RRAGB: variants seen among roughly 807,000 people sequenced by gnomAD.
The protein encoded by RRAGB is ras-related GTP-binding protein B.
A neutral mutation model predicts 29.3 loss-of-function variants in RRAGB; 6 were observed. That is an observed-to-expected ratio of 0.21 (90% CI 0.11 to 0.40). RRAGB has a LOEUF of 0.40. RRAGB is among the 10% of genes least tolerant of loss of function. The probability of loss-of-function intolerance (pLI) is 1.00; values close to 1 mark genes in which losing one functional copy is unlikely to be tolerated. For missense variants in RRAGB, 184 were observed against 272.9 expected (o/e 0.67, Z 2.29); for synonymous variants, 101 against 92.5 (o/e 1.09, Z -0.53).
intron 4 of RRAGB, among the ~76,000 whole-genome samples, chrX:55,730,101 A>C (rs1304538988): frequency 8.9e-6 from 1 of 112,472 alleles, no homozygotes; most frequent in Non-Finnish European, 1.9e-5. Context: ...AAGTAAGATA[A>C]TTTATACAAA....
At chrX:55,740,196 G>A (rs1363722905) in intron 5 of RRAGB, among the ~76,000 whole-genome samples, 6 of 110,922 alleles carry the variant, frequency 5.4e-5, no homozygotes, top group Middle Eastern at 4.6e-3. Context: ...AGTGGCGGGC[G>A]CCTGTAGTCC....
At chrX:55,732,872 A>G (rs1371247000) in intron 5 of RRAGB, among the ~76,000 whole-genome samples, 2 of 111,918 alleles carry the variant, frequency 1.8e-5, no homozygotes, top group Non-Finnish European at 3.8e-5. Context: ...AAATTGCAGT[A>G]GAAAAACTTA....
In RRAGB at chrX:55,718,112, C is replaced by T. The variant is rs745338223; in HGVS notation, c.-216C>T. The T allele has an allele frequency of 1.5e-4, 44 of 298,783 alleles. No individual in the cohort carries two copies. The highest frequency in any genetic ancestry group is 1.1e-3 in the African/African-American group (41 of 37,426). The allele number at this position is 298,783 out of a possible 1,213,427, so 24.6% of individuals were successfully genotyped here. On this transcript the variant is annotated 5_prime_UTR_variant, in exon 1 of 10. Transcript: ENST00000374941. ...CACTTGGCCTTAAAGCTAGCCAGCTCGGCCGTGCCTTGAGGCCAGGTTCGA... is the reference window on the plus strand; with the variant it reads ...CACTTGGCCTTAAAGCTAGCCAGCTTGGCCGTGCCTTGAGGCCAGGTTCGA...
chrX:55,730,014 ACT>A (rs2147082860), intron 4 of RRAGB, among the ~76,000 whole-genome samples: 1 of 110,491 alleles, frequency 9.1e-6, no homozygotes, highest in South Asian at 3.8e-4. Flanking sequence ...AATCATTTAA[ACT>A]CTCTGAGCCA....
rs928853815 is a variant in RRAGB at position 55,721,483 on chromosome X, A to G, written c.127-703A>G. On this transcript the variant is annotated intron_variant, in intron 2 of 9. Transcript: ENST00000374941. ...CTGGCAGAGAGTACTGCGTGAAACA[A>G]TGGCACAGATGCAGGACCTCCCAGA... Among the ~76,000 whole-genome samples, 3 of 111,943 alleles carry G rather than the reference A, an allele frequency of 2.7e-5. 1 individual carries two copies. Among genetic ancestry groups the G allele is most frequent in the Non-Finnish European group, 3.8e-5 (2 of 53,208 alleles).
intron 3 of RRAGB, among the ~76,000 whole-genome samples, chrX:55,723,872 A>G (rs1208674419): frequency 1.8e-5 from 2 of 112,249 alleles, no homozygotes; most frequent in African/African-American, 6.5e-5. Flanking sequence ...TGCCTCACAA[A>G]TCATGTCTTC....
At position 55,745,328 on chromosome X, in the gene RRAGB, G is replaced by T. The variant is rs1319577478; in HGVS notation, c.517-5773G>T. Among the ~76,000 whole-genome samples the T allele has an allele frequency of 3.6e-5, 4 of 112,675 alleles. No homozygotes were observed. In the Admixed American group the frequency reaches 3.7e-4, roughly 11 times the overall value. ...CTGCAGCAGGACAGTGAAGTGTATT[G>T]CTGGCCTTGCCTGCTGAAAGCAAAC... is the stretch of plus-strand genomic sequence containing the variant. On this transcript the variant is annotated intron_variant, in intron 5 of 9. Coordinates refer to ENST00000374941, the MANE Select transcript of RRAGB (RefSeq NM_006064.5).
At chrX:55,754,270 A>G (rs1357567401) in intron 7 of RRAGB, among the ~76,000 whole-genome samples, 1 of 112,941 alleles carries the variant, frequency 8.9e-6, no homozygotes, top group Non-Finnish European at 1.9e-5. Context: ...GGAGAGGGAA[A>G]GAGGCATGTT....
chrX:55,758,689 T>C lies in RRAGB; in HGVS notation c.*346T>C, dbSNP rs1671400150. On this transcript the variant is annotated 3_prime_UTR_variant, in exon 10 of 10. Transcript: ENST00000374941. The stretch of plus-strand genomic sequence containing the variant: ...ATTCCTTATCAGATAGTAAGTAACC[T>C]GTAAGTTTGGAGTATTACTGTTTTC... The C allele has an allele frequency of 7.5e-6, 1 of 133,520 alleles. No homozygotes were observed. Among genetic ancestry groups the C allele is most frequent in the Non-Finnish European group, 1.5e-5 (1 of 67,037 alleles). The allele number at this position is 133,520 out of a possible 1,213,427, so 11.0% of individuals were successfully genotyped here.
chrX:55,755,966 C>T (rs1350509670), intron 8 of RRAGB, 34 bp downstream of exon 8: 5 of 996,232 alleles, frequency 5.0e-6, no homozygotes, highest in Non-Finnish European at 7.0e-6. Context: ...CTGTTTATCT[C>T]TTGAAAAAAT....
In RRAGB at chrX:55,744,902, A is replaced by G. The variant is rs193215858; in HGVS notation, c.517-6199A>G. Among the ~76,000 whole-genome samples the G allele has an allele frequency of 4.8e-3, 542 of 111,963 alleles. 3 individuals are homozygous for G. Among genetic ancestry groups the G allele is most frequent in the African/African-American group, 0.017 (511 of 30,808 alleles). On this transcript the variant is annotated intron_variant, in intron 5 of 9. Coordinates refer to ENST00000374941, the MANE Select transcript of RRAGB (RefSeq NM_006064.5). ...GTCAGGTTTTTGGGTCACTTGGTAA[A>G]TGGGCCAGAGTAACACAGCCAAATG...
At chrX:55,746,674 T>C (rs1050069617) in intron 5 of RRAGB, among the ~76,000 whole-genome samples, 1 of 112,305 alleles carries the variant, frequency 8.9e-6, no homozygotes, top group Non-Finnish European at 1.9e-5. Flanking sequence ...AACATTACAA[T>C]GTCCCTAAAG....
intron 7 of RRAGB, among the ~76,000 whole-genome samples, chrX:55,753,841 T>G (rs1166115147): frequency 9.0e-6 from 1 of 111,716 alleles, no homozygotes; most frequent in Non-Finnish European, 1.9e-5. Flanking sequence ...GGTCGGGAGT[T>G]AGAGACCAGC....
chrX:55,744,139 A>G (rs2034168531), intron 5 of RRAGB, among the ~76,000 whole-genome samples: 1 of 110,000 alleles, frequency 9.1e-6, no homozygotes, highest in African/African-American at 3.3e-5. Flanking sequence ...CTGTAATCCC[A>G]GCTCTTTGGG....
Position 55,722,281 on chromosome X carries a change from A to C in RRAGB, c.222A>C (p.Ala74=), listed in dbSNP as rs1357417760. Residue 74 remains alanine, a synonymous_variant, in exon 3 of 10, where the codon GCA becomes GCC. Coordinates refer to ENST00000374941, the MANE Select transcript of RRAGB (RefSeq NM_006064.5). ...CCAGAGACACACGTCGCCTTGGCGC[A>C]ACAAGTAAGATGTTTTATCTTATTG... ...YIARDTRRLG[A]TIDVEHSHVR... is the part of the protein sequence containing the mutation. The C allele has an allele frequency of 3.5e-6, 4 of 1,140,388 alleles. No homozygotes were observed. The highest frequency in any genetic ancestry group is 2.2e-5 in the Admixed American group (1 of 45,569). The allele number at this position is 1,140,388 out of a possible 1,213,427, so 94.0% of individuals were successfully genotyped here. A position where few individuals can be genotyped will look rare whatever the true frequency, so the allele number is the denominator to read the frequency against.
chrX:55,748,356 G>A (rs755309068), intron 5 of RRAGB, among the ~76,000 whole-genome samples: 1 of 108,276 alleles, frequency 9.2e-6, no homozygotes, highest in East Asian at 3.0e-4. Context: ...GAGCCCCTCT[G>A]CCTGGCTGCC....
chrX:55,757,112 G>A, intron 8 of RRAGB, 104 bp from the exon 9 acceptor site: 2 of 367,931 alleles, frequency 5.4e-6, no homozygotes, highest in South Asian at 1.5e-4. Flanking sequence ...GTGAATTGAG[G>A]TATAGTGCTA....
chrX:55,754,392 T>A (rs1602083567), intron 7 of RRAGB, among the ~76,000 whole-genome samples: 1 of 113,010 alleles, frequency 8.8e-6, no homozygotes, highest in Non-Finnish European at 1.9e-5. Context: ...AAATACATTT[T>A]AAAAATAGCA....
At chrX:55,724,235 A>G (rs1034866121) in intron 3 of RRAGB, among the ~76,000 whole-genome samples, 10 of 112,232 alleles carry the variant, frequency 8.9e-5, no homozygotes, top group Admixed American at 1.9e-4. Flanking sequence ...ATAAATGCTT[A>G]CTTCTATTAA....
Sources: allele counts gnomAD v4.1 joint callset (sites outside exome capture counted in the v4.1 genomes callset), GRCh38; gene constraint gnomAD v4.1.1; transcripts MANE v1.5; gene names NCBI Gene and HGNC (gene_info 2026-07-23, HGNC 2026-07-21).